Variants in PCLO observed in about 807,000 individuals in gnomAD.
PCLO encodes piccolo presynaptic cytomatrix protein.
PCLO carries 82 observed loss-of-function variants against 427.5 expected under a neutral mutation model. That is an observed-to-expected ratio of 0.19 (90% CI 0.16 to 0.23). The LOEUF is 0.23. PCLO is among the 10% of genes least tolerant of loss of function. The pLI, the probability that PCLO is intolerant of heterozygous loss-of-function variation, is 1.00. For missense variants in PCLO, 6,239 were observed against 6,115.9 expected, an observed-to-expected ratio of 1.02 and a Z score of -0.67; for synonymous variants, 2,357 against 2,155.4, an observed-to-expected ratio of 1.09 and a Z score of -2.59.
At chr7:82,939,666 G>T (rs998794298) in intron 6 of PCLO, among the ~76,000 whole-genome samples, 131 of 148,268 alleles carry the variant, frequency 8.8e-4, no homozygotes, top group African/African-American at 3.0e-3. Flanking sequence ...TATATAGAGA[G>T]AGAGAGAAAT....
At chr7:82,802,665 T>C (rs1478858069) in intron 21 of PCLO, among the ~76,000 whole-genome samples, 2 of 152,180 alleles carry the variant, frequency 1.3e-5, no homozygotes, top group Admixed American at 1.3e-4. Flanking sequence ...GATACTGCAC[T>C]TTGTAGACAA....
At chr7:82,789,499 A>G (rs929304154) in intron 22 of PCLO, among the ~76,000 whole-genome samples, 1 of 152,236 alleles carries the variant, frequency 6.6e-6, no homozygotes, top group Admixed American at 6.5e-5. Flanking sequence ...TGAGGTCAGG[A>G]GTTTGAGACC....
intron 20 of PCLO, chr7:82,821,450 GGT>G: frequency 1.0e-6 from 1 of 985,420 alleles, no homozygotes; most frequent in Non-Finnish European, 1.2e-6. Context: ...GCACTAAAGG[GGT>G]TTAAAACTGG....
At chr7:82,861,390 A>G (rs1792951811) in intron 10 of PCLO, among the ~76,000 whole-genome samples, 2 of 152,102 alleles carry the variant, frequency 1.3e-5, no homozygotes, top group Admixed American at 6.6e-5. Flanking sequence ...AAAAGCTATA[A>G]GAAGAGACAA....
chr7:83,107,711 A>ATGGC (rs745485946), intron 3 of PCLO, among the ~76,000 whole-genome samples: 233 of 26,234 alleles, frequency 8.9e-3, no homozygotes, highest in Non-Finnish European at 0.011. Context: ...TAAGAAGAGA[A>ATGGC]TATGTGCGGT....
chr7:82,983,573 A>G (rs1450655187), intron 3 of PCLO, among the ~76,000 whole-genome samples: 1 of 149,908 alleles, frequency 6.7e-6, no homozygotes, highest in Admixed American at 6.7e-5. Context: ...TCTAGCTAAA[A>G]TTATATTTTA....
chr7:82,999,474 CATT>C lies in PCLO; in HGVS notation c.3301-32990_3301-32988del, dbSNP rs1359683403. ...TTATATAAAATATATAATATATATC[CATT>C]ATTATAAAATATAATATATATAATA... On this transcript the variant is annotated intron_variant, in intron 3 of 24. Transcript: ENST00000333891. Among the ~76,000 whole-genome samples the C allele has an allele frequency of 1.5e-3, 122 of 80,454 alleles. 36 individuals carry two copies. The highest frequency in any genetic ancestry group is 2.4e-3 in the Non-Finnish European group (117 of 48,176). 52.8% of individuals were successfully genotyped at this position (80,454 alleles called of 152,430 possible).
intron 20 of PCLO, among the ~76,000 whole-genome samples, chr7:82,814,098 G>A (rs967105769): frequency 6.6e-6 from 1 of 151,654 alleles, no homozygotes; most frequent in Non-Finnish European, 1.5e-5. Context: ...CTCTACTTCA[G>A]CTTGGAAGCA....
At chr7:83,159,018 G>A (rs983971366) in intron 1 of PCLO, among the ~76,000 whole-genome samples, 1 of 151,976 alleles carries the variant, frequency 6.6e-6, no homozygotes, top group Non-Finnish European at 1.5e-5. Context: ...TTGTATACTA[G>A]ACTGTGAACT....
At position 83,155,872 on chromosome 7, in the gene PCLO, G is replaced by C. The variant is rs758314664; in HGVS notation, c.769C>G (p.Pro257Ala). 1 of 1,613,816 alleles carries C rather than the reference G, an allele frequency of 6.2e-7. No homozygotes were observed. Among genetic ancestry groups the C allele is most frequent in the African/African-American group, 1.3e-5 (1 of 74,890 alleles). ...IKSQPPGTGKPIQGPTQTPQT... is the reference protein window; with the variant it reads ...IKSQPPGTGKAIQGPTQTPQT... ...GGAGTCTGGGTAGGACCCTGAATTG[G>C]CTTTCCTGTACCTGGAGGTTGTGAT... The change falls in exon 2 of 25, where the codon CCA becomes GCA. Residue 257 changes from proline (P) to alanine (A), a missense_variant. By Grantham distance (27) the Pro-to-Ala change is conservative (BLOSUM62 -1). Transcript: ENST00000333891.
Position 82,952,054 on chromosome 7 carries a change from A to C in PCLO, c.8899T>G (p.Phe2967Val). The change falls in exon 5 of 25, where the codon TTT (phenylalanine) becomes GTT (valine). Residue 2967 changes from phenylalanine to valine, a missense_variant. By Grantham distance (50) the Phe-to-Val change is conservative. This residue lies in a region of PCLO where 4,677 missense variants were observed against 4,468.4 expected (regional missense o/e 1.05). Transcript: ENST00000333891. ...TGATAGTGGTCATCCCTATAACCAA[A>C]ACGATCCTCAGGAAGAGTAGTTGCA... ...QPATTLPEDR[F>V]GYRDDHYQYD... 1 of 1,613,936 alleles carries C rather than the reference A, an allele frequency of 6.2e-7. No homozygotes were observed. Among genetic ancestry groups the C allele is most frequent in the Non-Finnish European group, 8.5e-7 (1 of 1,179,844 alleles).
intron 3 of PCLO, among the ~76,000 whole-genome samples, chr7:83,043,918 T>C (rs377641375): frequency 0.17 from 17,803 of 106,050 alleles, 884 homozygotes; most frequent in Middle Eastern, 0.26. Context: ...TTTTCTTTTT[T>C]TTTTTTTTTT....
chr7:82,861,137 C>T (rs982614156), intron 10 of PCLO, among the ~76,000 whole-genome samples: 1 of 151,936 alleles, frequency 6.6e-6, no homozygotes, highest in African/African-American at 2.4e-5. Flanking sequence ...ATGGACTAAA[C>T]ACTTCGATCA....
rs772451913 is a variant in PCLO at position 82,916,400 on chromosome 7, A to T, written c.11586T>A (p.Thr3862=). The T allele has an allele frequency of 4.3e-6, 7 of 1,613,596 alleles. No homozygotes were observed. The highest frequency in any genetic ancestry group is 5.1e-6 in the Non-Finnish European group (6 of 1,179,764). ...GIERPRTAPQ[T]EFSQFIPPQT... ...GTGGTGGTATAAACTGGCTGAATTC[A>T]GTTTGGGGAGCAGTTCTTGGTCGCT... The change falls in exon 7 of 25, where the codon ACT becomes ACA. Residue 3862 remains threonine, a synonymous_variant. Coordinates refer to ENST00000333891, the MANE Select transcript of PCLO (RefSeq NM_033026.6).
At chr7:82,939,144 A>C (rs1483114887) in intron 6 of PCLO, among the ~76,000 whole-genome samples, 1 of 152,038 alleles carries the variant, frequency 6.6e-6, no homozygotes, top group Non-Finnish European at 1.5e-5. Flanking sequence ...TAAAATATCT[A>C]CTTATTGGCA....
chr7:82,992,975 C>T (rs62458579), intron 3 of PCLO, among the ~76,000 whole-genome samples: 18,829 of 151,946 alleles, frequency 0.12, 1,811 homozygotes, highest in African/African-American at 0.26. Flanking sequence ...AAAGTTAACA[C>T]ATTTGGTAAT....
At chr7:83,097,802 G>A (rs1184130489) in intron 3 of PCLO, among the ~76,000 whole-genome samples, 3 of 151,562 alleles carry the variant, frequency 2.0e-5, no homozygotes, top group African/African-American at 2.4e-5. Flanking sequence ...AAAAGTCCGT[G>A]AGCATGATCA....
chr7:83,087,527 T>C (rs1277387533), intron 3 of PCLO, among the ~76,000 whole-genome samples: 1 of 152,148 alleles, frequency 6.6e-6, no homozygotes, highest in Non-Finnish European at 1.5e-5. Context: ...ACAATTATGT[T>C]CCTAATGAAT....
At chr7:83,156,972 A>T (rs1194405985) in intron 1 of PCLO, among the ~76,000 whole-genome samples, 1 of 152,150 alleles carries the variant, frequency 6.6e-6, no homozygotes, top group Non-Finnish European at 1.5e-5. Flanking sequence ...ATGTGAAATA[A>T]GGGGAGTTTC....
Sources: gnomAD v4.1 joint callset for allele counts (sites outside exome capture counted in the v4.1 genomes callset) on GRCh38, gnomAD v4.1.1 for gene constraint, gnomAD v4.1.1 regional missense constraint, MANE v1.5 for transcripts, NCBI Gene and HGNC (gene_info 2026-07-23, HGNC 2026-07-21) for gene names.